PIP4K2A: variants seen among roughly 807,000 people sequenced by gnomAD.
PIP4K2A encodes the protein phosphatidylinositol 5-phosphate 4-kinase type-2 alpha.
A neutral mutation model predicts 42.9 loss-of-function variants in PIP4K2A; 14 were observed. The ratio of observed to expected loss-of-function variants is 0.33; its 90% CI spans 0.22 to 0.51. PIP4K2A has a LOEUF of 0.51. Among genes scored for constraint, PIP4K2A ranks in the 20% least tolerant of loss-of-function variants. The probability of loss-of-function intolerance (pLI) is 0.97; values close to 1 mark genes in which losing one functional copy is unlikely to be tolerated. For missense variants in PIP4K2A, 434 were observed against 519.8 expected (o/e 0.83, Z 1.61); for synonymous variants, 192 against 192.2 (o/e 1.00, Z 0.01).
chr10:22,651,951 T>C (rs1299123763), intron 1 of PIP4K2A, among the ~76,000 whole-genome samples: 1 of 152,214 alleles, frequency 6.6e-6, no homozygotes, highest in Non-Finnish European at 1.5e-5. Context: ...TTTTTCAGCA[T>C]TTGCAGAGAC....
At chr10:22,558,272 C>A (rs547098895) in intron 6 of PIP4K2A, among the ~76,000 whole-genome samples, 6 of 152,292 alleles carry the variant, frequency 3.9e-5, no homozygotes, top group Non-Finnish European at 7.4e-5. Flanking sequence ...AATAAAACCC[C>A]TTTTGCCGTG....
chr10:22,555,888 T>G (rs1588622898), intron 6 of PIP4K2A, among the ~76,000 whole-genome samples: 3 of 115,342 alleles, frequency 2.6e-5, no homozygotes, highest in African/African-American at 9.7e-5. Context: ...TAATGAGAGC[T>G]GATGAGCTTA....
chr10:22,559,008 T>A (rs1448965343), intron 6 of PIP4K2A, among the ~76,000 whole-genome samples: 1 of 152,150 alleles, frequency 6.6e-6, no homozygotes, highest in Non-Finnish European at 1.5e-5. Context: ...CTCCACAAAC[T>A]GGGATATGAC....
chr10:22,672,994 T>C (rs1839485010), intron 1 of PIP4K2A, among the ~76,000 whole-genome samples: 1 of 152,176 alleles, frequency 6.6e-6, no homozygotes, highest in Non-Finnish European at 1.5e-5. Context: ...ATCTCTCTCA[T>C]TCCTGCAGCC....
At chr10:22,584,231 G>A (rs1384431605) in intron 4 of PIP4K2A, among the ~76,000 whole-genome samples, 3 of 151,874 alleles carry the variant, frequency 2.0e-5, no homozygotes, top group Non-Finnish European at 2.9e-5. Flanking sequence ...TCAGAGATGA[G>A]CATAAATCAA....
At chr10:22,568,413 G>A (rs1341089239) in intron 5 of PIP4K2A, among the ~76,000 whole-genome samples, 1 of 151,668 alleles carries the variant, frequency 6.6e-6, no homozygotes, top group Admixed American at 6.6e-5. Flanking sequence ...CGTCTTAAGA[G>A]TTACTGATGA....
intron 3 of PIP4K2A, among the ~76,000 whole-genome samples, chr10:22,594,313 A>G (rs1837579916): frequency 6.6e-6 from 1 of 152,252 alleles, no homozygotes; most frequent in African/African-American, 2.4e-5. Flanking sequence ...TATAGTTCAG[A>G]ATAATAATTC....
At chr10:22,697,642 C>T (rs550054481) in intron 1 of PIP4K2A, among the ~76,000 whole-genome samples, 100 of 152,266 alleles carry the variant, frequency 6.6e-4, no homozygotes, top group Admixed American at 4.1e-3. Flanking sequence ...AGGAGAATCA[C>T]TTGTACCCAA....
At chr10:22,570,374 C>T (rs886407357) in intron 5 of PIP4K2A, among the ~76,000 whole-genome samples, 1 of 152,208 alleles carries the variant, frequency 6.6e-6, no homozygotes, top group Non-Finnish European at 1.5e-5. Context: ...GCTTTCTTCC[C>T]TGGGGAAGTC....
At chr10:22,644,427 AACAT>A (rs1419607477) in intron 1 of PIP4K2A, among the ~76,000 whole-genome samples, 1 of 152,208 alleles carries the variant, frequency 6.6e-6, no homozygotes, top group Non-Finnish European at 1.5e-5. Context: ...TCCTATGCAG[AACAT>A]CAAGCTAATT....
At chr10:22,609,396 T>C (rs963173038) in intron 2 of PIP4K2A, among the ~76,000 whole-genome samples, 1 of 152,248 alleles carries the variant, frequency 6.6e-6, no homozygotes, top group Non-Finnish European at 1.5e-5. Context: ...TTTCAACGTA[T>C]AAGATATTCA....
chr10:22,657,730 G>C (rs1486947585), intron 1 of PIP4K2A, among the ~76,000 whole-genome samples: 1 of 152,238 alleles, frequency 6.6e-6, no homozygotes, highest in Non-Finnish European at 1.5e-5. Context: ...CCTTATCCAT[G>C]TGACTACTTG....
intron 4 of PIP4K2A, among the ~76,000 whole-genome samples, chr10:22,582,329 G>A (rs1022842596): frequency 3.3e-5 from 5 of 151,988 alleles, no homozygotes; most frequent in Non-Finnish European, 5.9e-5. Context: ...AGAATAATAA[G>A]GGTTATGAAG....
At chr10:22,605,717 A>C (rs1401039741) in intron 3 of PIP4K2A, among the ~76,000 whole-genome samples, 1 of 152,146 alleles carries the variant, frequency 6.6e-6, no homozygotes, top group Admixed American at 6.5e-5. Flanking sequence ...GAATTGTTTT[A>C]TTAAAACAAA....
At chr10:22,589,709 T>C (rs1321126574) in intron 4 of PIP4K2A, among the ~76,000 whole-genome samples, 1 of 152,214 alleles carries the variant, frequency 6.6e-6, no homozygotes, top group Non-Finnish European at 1.5e-5. Context: ...TAAACAGACA[T>C]CTAGGAGCTC....
At chr10:22,675,614 G>A (rs1055000033) in intron 1 of PIP4K2A, among the ~76,000 whole-genome samples, 2 of 152,084 alleles carry the variant, frequency 1.3e-5, no homozygotes, top group African/African-American at 4.8e-5. Flanking sequence ...CAAAAACACT[G>A]TTGAGGAGAA....
At chr10:22,647,324 ATGTG>A (rs774899830) in intron 1 of PIP4K2A, among the ~76,000 whole-genome samples, 23 of 85,086 alleles carry the variant, frequency 2.7e-4, no homozygotes, top group Admixed American at 1.7e-3. Flanking sequence ...GTGTGTGTGT[ATGTG>A]TGTGTGTGTG....
chr10:22,587,698 G>A (rs906733503), intron 4 of PIP4K2A, among the ~76,000 whole-genome samples: 14 of 152,144 alleles, frequency 9.2e-5, no homozygotes, highest in South Asian at 2.1e-4. Flanking sequence ...TCAAAATCTC[G>A]TCTGGAAGTG....
intron 1 of PIP4K2A, among the ~76,000 whole-genome samples, chr10:22,658,263 G>A (rs1004623636): frequency 3.3e-5 from 5 of 152,144 alleles, no homozygotes; most frequent in Non-Finnish European, 7.3e-5. Context: ...AACAAAAGGA[G>A]ACTAAAAGTG....
Sources: gnomAD v4.1 joint callset for allele counts (sites outside exome capture counted in the v4.1 genomes callset) on GRCh38, gnomAD v4.1.1 for gene constraint, MANE v1.5 for transcripts, NCBI Gene and HGNC (gene_info 2026-07-23, HGNC 2026-07-21) for gene names.